The following IL17RA variants were observed in gnomAD, a reference collection of about 807,000 sequenced individuals.
IL17RA encodes the protein interleukin 17 receptor A.
In IL17RA, 34 loss-of-function variants were observed where a neutral mutation model predicts 50.4. The ratio of observed to expected loss-of-function variants is 0.67; its 90% CI spans 0.51 to 0.90. IL17RA has a LOEUF of 0.90. IL17RA is among the 40% of genes least tolerant of loss of function. IL17RA has a pLI of 0.00. For missense variants in IL17RA, 1,276 were observed against 1,169.8 expected (o/e 1.09, Z -1.32); for synonymous variants, 585 against 510.4 (o/e 1.15, Z -1.97).
chr22:17,108,617 G>A lies in IL17RA; in HGVS notation c.1398G>A (p.Arg466=), dbSNP rs1379501441. 6.2e-7 allele frequency: 1 copy of A among 1,604,566 alleles called. No individual in the cohort carries two copies. Residue 466 remains arginine, a synonymous_variant, in exon 13 of 13, where the codon CGG becomes CGA. Coordinates refer to ENST00000319363, the MANE Select transcript of IL17RA (RefSeq NM_014339.7). ...TCCTGGGCCGGGGGGCGCCTGTGCGGCTGCGCTGCGACCACGGAAAGCCCG... is the reference window on the plus strand; with the variant it reads ...TCCTGGGCCGGGGGGCGCCTGTGCGACTGCGCTGCGACCACGGAAAGCCCG... The part of the protein sequence containing the change: ...QALLGRGAPV[R]LRCDHGKPVG...
At chr22:17,105,199 A>G (rs2061409161) in intron 9 of IL17RA, among the ~76,000 whole-genome samples, 1 of 151,838 alleles carries the variant, frequency 6.6e-6, no homozygotes, top group Non-Finnish European at 1.5e-5. Context: ...GGATCCCCCC[A>G]CCCCAAACCC....
rs190917589 is a variant in IL17RA at position 17,094,634 on chromosome 22, A to G, written c.139-2428A>G. 3.3e-3 allele frequency among the ~76,000 whole-genome samples: 372 copies of G among 111,780 alleles called. 3 individuals carry two copies. Among genetic ancestry groups the G allele is most frequent in the African/African-American group, 0.013 (350 of 27,108 alleles). 73.3% of individuals were successfully genotyped at this position (111,780 alleles called of 152,430 possible). A position where few individuals can be genotyped will look rare whatever the true frequency, so the allele number is the denominator to read the frequency against. On this transcript the variant is annotated intron_variant, in intron 1 of 12. Transcript: ENST00000319363. Reference sequence around the variant, plus strand: ...TGTTAACACCTGTTAACATGTTTCTATTCTCATTTAGTCATACACACACTC... The same window carrying G: ...TGTTAACACCTGTTAACATGTTTCTGTTCTCATTTAGTCATACACACACTC...
Position 17,109,965 on chromosome 22 carries a change from C to A in IL17RA, c.*145C>A. On this transcript the variant is annotated 3_prime_UTR_variant, in exon 13 of 13. Coordinates refer to ENST00000319363, the MANE Select transcript of IL17RA (RefSeq NM_014339.7). ...AATGTAAATGTCTGGATTTTAATCC[C>A]AGGCATCCCTCCTAACTTTTCTTTG... 2 of 842,886 alleles carry A rather than the reference C, an allele frequency of 2.4e-6. No homozygotes were observed. The highest frequency in any genetic ancestry group is 3.6e-6 in the Non-Finnish European group (2 of 550,066). 52.2% of individuals were successfully genotyped at this position (842,886 alleles called of 1,614,324 possible). A position where few individuals can be genotyped will look rare whatever the true frequency, so the allele number is the denominator to read the frequency against.
chr22:17,103,541 A>G lies in IL17RA; in HGVS notation c.810A>G (p.Leu270=). The change falls in exon 8 of 13, where the codon CTA becomes CTG. Residue 270 remains leucine, a synonymous_variant. Coordinates refer to ENST00000319363, the MANE Select transcript of IL17RA (RefSeq NM_014339.7). Reference sequence around the variant, plus strand: ...AGCGATCCAACGTCACACTCACTCTACGCAACCTTAAAGGGTGCTGTCGCC... The same window carrying G: ...AGCGATCCAACGTCACACTCACTCTGCGCAACCTTAAAGGGTGCTGTCGCC... The part of the protein sequence containing the change: ...FHQRSNVTLT[L]RNLKGCCRHQ... The G allele has an allele frequency of 1.9e-6, 3 of 1,613,762 alleles. No homozygotes were observed. Among genetic ancestry groups the G allele is most frequent in the Non-Finnish European group, 1.7e-6 (2 of 1,179,912 alleles).
At chr22:17,098,031 C>T in intron 3 of IL17RA, 88 bp downstream of exon 3, 2 of 1,517,242 alleles carry the variant, frequency 1.3e-6, no homozygotes, top group Middle Eastern at 1.7e-4. Context: ...GCTCCCAGTC[C>T]TGTGCTCAGA....
At position 17,085,049 on chromosome 22, in the gene IL17RA, C is replaced by T. The variant is rs1248233264; in HGVS notation, c.-43C>T. On this transcript the variant is annotated 5_prime_UTR_variant, in exon 1 of 13. Transcript: ENST00000319363. ...AAAGCCTCAGAACGTTCGTTCGCTG[C>T]GTCCCCAGCCGGGGCCGAGCCCTCC... The T allele has an allele frequency of 1.6e-6, 2 of 1,288,222 alleles. No individual in the cohort carries two copies. Among genetic ancestry groups the T allele is most frequent in the African/African-American group, 1.5e-5 (1 of 64,648 alleles). The allele number at this position is 1,288,222 out of a possible 1,614,324, so 79.8% of individuals were successfully genotyped here. A position where few individuals can be genotyped will look rare whatever the true frequency, so the allele number is the denominator to read the frequency against.
chr22:17,098,086 C>A, intron 3 of IL17RA, 143 bp downstream of exon 3: 2 of 907,134 alleles, frequency 2.2e-6, no homozygotes, highest in Non-Finnish European at 3.5e-6. Flanking sequence ...TCATTTCATG[C>A]AGTCAAATAC....
chr22:17,103,699 G>C, intron 8 of IL17RA, 122 bp downstream of exon 8: 1 of 784,352 alleles, frequency 1.3e-6, no homozygotes, highest in Non-Finnish European at 2.2e-6. Context: ...GTGTGCACAG[G>C]TGGAGAGAGT....
At chr22:17,102,108 C>T (rs773021948) in intron 6 of IL17RA, 31 bp from the exon 7 acceptor site, 1 of 1,614,178 alleles carries the variant, frequency 6.2e-7, no homozygotes, top group South Asian at 1.1e-5. Flanking sequence ...TGCCCCTCCT[C>T]ACTCCCAGCC....
In IL17RA at chr22:17,103,464, AGCCTTACCCATCCTC is replaced by A; in HGVS notation, c.763-25_763-11del. 1 of 1,597,686 alleles carries A rather than the reference AGCCTTACCCATCCTC, an allele frequency of 6.3e-7. No homozygotes were observed. The highest frequency in any genetic ancestry group is 8.6e-7 in the Non-Finnish European group (1 of 1,167,040). On this transcript the variant is annotated splice_polypyrimidine_tract_variant and intron_variant, in intron 7 of 12. Transcript: ENST00000319363. ...CCAACTAGCCTTACCCATCCCAACT[AGCCTTACCCATCCTC>A]GCCTCTCTCCTCAGCCCAGACCAGA...
intron 11 of IL17RA, among the ~76,000 whole-genome samples, chr22:17,106,778 A>T (rs191457203): frequency 6.6e-6 from 1 of 152,298 alleles, no homozygotes; most frequent in East Asian, 1.9e-4. Context: ...GGGAGGACCT[A>T]TGGGAGGTTC....
rs539782982 is a variant in IL17RA at position 17,085,155 on chromosome 22, C to T, written c.64C>T (p.Leu22Phe). 17 of 1,520,254 alleles carry T rather than the reference C, an allele frequency of 1.1e-5. No homozygotes were observed. In the East Asian group the frequency reaches 3.4e-4, roughly 30 times the overall value. 94.2% of individuals were successfully genotyped at this position (1,520,254 alleles called of 1,614,324 possible). A position where few individuals can be genotyped will look rare whatever the true frequency, so the allele number is the denominator to read the frequency against. Reference sequence around the variant, plus strand: ...GCCCCTGCTGGGGCTGCTCCTGCTGCTCCTGGGCGTGCTGGCCCCGGGTGG... The same window carrying T: ...GCCCCTGCTGGGGCTGCTCCTGCTGTTCCTGGGCGTGCTGGCCCCGGGTGG... ...PGPLLGLLLL[L>F]LGVLAPGGAS... The change falls in exon 1 of 13, where the codon CTC becomes TTC. Residue 22 changes from leucine (L) to phenylalanine (F), a missense_variant. By Grantham distance (22) the Leu-to-Phe change is conservative. Transcript: ENST00000319363.
chr22:17,107,855 T>C (rs1368915693), intron 12 of IL17RA, 87 bp downstream of exon 12: 4 of 1,195,080 alleles, frequency 3.3e-6, no homozygotes, highest in South Asian at 1.2e-5. Flanking sequence ...CCTCCTGTGC[T>C]CTAACTCCCA....
chr22:17,094,279 G>T (rs1022862880), intron 1 of IL17RA, among the ~76,000 whole-genome samples: 1 of 151,920 alleles, frequency 6.6e-6, no homozygotes, highest in African/African-American at 2.4e-5. Context: ...GAGCCACTGC[G>T]CCCAGCCAAC....
Position 17,108,711 on chromosome 22 carries a change from A to G in IL17RA, c.1492A>G (p.Thr498Ala). 2 of 1,610,638 alleles carry G rather than the reference A, an allele frequency of 1.2e-6. No homozygotes were observed. The highest frequency in any genetic ancestry group is 1.7e-6 in the Non-Finnish European group (2 of 1,179,864). The change falls in exon 13 of 13, where the codon ACC (threonine) becomes GCC (alanine). Residue 498 changes from threonine to alanine, a missense_variant. Physicochemically the swap from Thr to Ala is moderately conservative, Grantham distance 58 (BLOSUM62 0). Transcript: ENST00000319363. The part of the protein sequence containing the change: ...PDFKRPACFG[T>A]YVVCYFSEVS... ...CTTCAAGAGGCCAGCCTGCTTCGGCACCTACGTAGTCTGCTACTTCAGCGA... is the reference window on the plus strand; with the variant it reads ...CTTCAAGAGGCCAGCCTGCTTCGGCGCCTACGTAGTCTGCTACTTCAGCGA...
rs752631425 is a variant in IL17RA, at chr22:17,104,813, A to G, written c.931+3A>G. On this transcript the variant is annotated splice_donor_region_variant and intron_variant, in intron 9 of 12. Coordinates refer to ENST00000319363, the MANE Select transcript of IL17RA (RefSeq NM_014339.7). ...CCCAGAAATGCCAGACACTCCAGGT[A>G]GGGGACATGCGGCTGTCCTAGGCCA... 5.6e-6 allele frequency: 9 copies of G among 1,613,794 alleles called. No homozygotes were observed. In the African/African-American group the frequency reaches 8.0e-5, roughly 14 times the overall value.
intron 1 of IL17RA, among the ~76,000 whole-genome samples, chr22:17,091,099 A>G (rs983321770): frequency 1.3e-5 from 2 of 152,136 alleles, no homozygotes; most frequent in African/African-American, 4.8e-5. Context: ...CTAATCTCCC[A>G]TGTCCTGGAT....
chr22:17,099,006 G>A (rs1285475726), intron 4 of IL17RA, 119 bp downstream of exon 4: 12 of 825,698 alleles, frequency 1.5e-5, no homozygotes, highest in Non-Finnish European at 2.3e-5. Context: ...GAGGGAGTCT[G>A]TGGAATTCAG....
At chr22:17,100,516 T>G (rs1345554429) in intron 5 of IL17RA, 35 bp downstream of exon 5, 1 of 1,611,676 alleles carries the variant, frequency 6.2e-7, no homozygotes, top group Non-Finnish European at 8.5e-7. Context: ...CCCTCCCCAA[T>G]GGCCTCTGTG....
Sources: allele counts gnomAD v4.1 joint callset (sites outside exome capture counted in the v4.1 genomes callset), GRCh38; gene constraint gnomAD v4.1.1; transcripts MANE v1.5; gene names NCBI Gene and HGNC (gene_info 2026-07-23, HGNC 2026-07-21).